MIPOL1: variants seen among roughly 807,000 people sequenced by gnomAD.
The protein encoded by MIPOL1 is mirror-image polydactyly gene 1 protein.
In MIPOL1, 57 loss-of-function variants were observed where a neutral mutation model predicts 60.9. The observed-to-expected ratio is 0.94, with a 90% CI of 0.76 to 1.17. The LOEUF (loss-of-function observed/expected upper bound fraction) is 1.17, where lower values mean the gene tolerates loss of function less well. Among genes scored for constraint, MIPOL1 ranks in the 50% most tolerant of loss-of-function variants. MIPOL1 has a pLI of 0.00. For missense variants in MIPOL1, 551 were observed against 511.6 expected, an observed-to-expected ratio of 1.08 and a Z score of -0.74; for synonymous variants, 179 against 168.8, an observed-to-expected ratio of 1.06 and a Z score of -0.47.
chr14:37,519,686 CA>C, intron 12 of MIPOL1, among the ~76,000 whole-genome samples: 1 of 152,016 alleles, frequency 6.6e-6, no homozygotes, highest in African/African-American at 2.4e-5. Context: ...AAGACTGTTA[CA>C]GGGGAACAAA....
intron 12 of MIPOL1, among the ~76,000 whole-genome samples, chr14:37,500,493 A>G (rs954936620): frequency 1.3e-5 from 2 of 152,144 alleles, no homozygotes; most frequent in African/African-American, 4.8e-5. Context: ...TTAGCTTTAC[A>G]ATAATCCTGC....
At chr14:37,396,578 T>G (rs2093376014) in intron 10 of MIPOL1, among the ~76,000 whole-genome samples, 1 of 152,220 alleles carries the variant, frequency 6.6e-6, no homozygotes, top group Non-Finnish European at 1.5e-5. Context: ...TTTCCAAACT[T>G]TTAGATTTCT....
chr14:37,287,159 G>C (rs1374966935), intron 7 of MIPOL1, among the ~76,000 whole-genome samples: 3 of 151,634 alleles, frequency 2.0e-5, no homozygotes, highest in Admixed American at 2.0e-4. Flanking sequence ...GACTTACACA[G>C]GTTGTCATAA....
Position 37,243,468 on chromosome 14 carries a change from T to G in MIPOL1, c.-198-3635T>G, listed in dbSNP as rs560249805. 3.3e-5 allele frequency among the ~76,000 whole-genome samples: 5 copies of G among 152,364 alleles called. No individual in the cohort carries two copies. The South Asian group carries it at 8.3e-4, about 25-fold the overall frequency. On this transcript the variant is annotated intron_variant, in intron 1 of 12. Transcript: ENST00000684589. ...TAGCGTGCTTTCCTTTTTATGAAAC[T>G]ATTTTAATGCAGAAATTATCAACAT...
At chr14:37,218,223 C>G (rs943016058) in intron 1 of MIPOL1, among the ~76,000 whole-genome samples, 1 of 152,124 alleles carries the variant, frequency 6.6e-6, no homozygotes, top group Middle Eastern at 3.4e-3. Flanking sequence ...CTCTGTTGCC[C>G]AGGCTGGAGT....
At chr14:37,360,260 G>C (rs2092147580) in intron 9 of MIPOL1, among the ~76,000 whole-genome samples, 1 of 152,134 alleles carries the variant, frequency 6.6e-6, no homozygotes, top group Non-Finnish European at 1.5e-5. Flanking sequence ...ATATTGATCA[G>C]GGATGTTGGT....
chr14:37,246,197 C>T (rs1000600871), intron 1 of MIPOL1, among the ~76,000 whole-genome samples: 3 of 152,044 alleles, frequency 2.0e-5, no homozygotes, highest in Admixed American at 1.3e-4. Flanking sequence ...AGCCAAGTTA[C>T]GCTTTGCCAT....
chr14:37,265,266 T>C (rs1476824832), intron 3 of MIPOL1: 1 of 152,212 alleles, frequency 6.6e-6, no homozygotes, highest in Non-Finnish European at 1.5e-5. Context: ...TGTGAAGTCT[T>C]CCTAGAGTCT....
chr14:37,333,180 G>A (rs1022389863), intron 9 of MIPOL1, among the ~76,000 whole-genome samples: 5 of 151,980 alleles, frequency 3.3e-5, no homozygotes, highest in Admixed American at 6.6e-5. Flanking sequence ...GTGTGTGTGT[G>A]TATAGTTTGA....
chr14:37,267,577 G>T (rs910312010), intron 4 of MIPOL1, among the ~76,000 whole-genome samples: 2 of 151,560 alleles, frequency 1.3e-5, no homozygotes, highest in Non-Finnish European at 2.9e-5. Context: ...TCTTTTTGGT[G>T]TTGGCTAATT....
At chr14:37,321,090 C>T (rs1041837949) in intron 9 of MIPOL1, among the ~76,000 whole-genome samples, 1 of 151,962 alleles carries the variant, frequency 6.6e-6, no homozygotes, top group Non-Finnish European at 1.5e-5. Context: ...CTTCATTCAG[C>T]TTGTTATTCT....
intron 11 of MIPOL1, among the ~76,000 whole-genome samples, chr14:37,494,817 T>C (rs1306111343): frequency 6.6e-6 from 1 of 152,182 alleles, no homozygotes; most frequent in African/African-American, 2.4e-5. Flanking sequence ...TAAGTGACAT[T>C]GTCTACTTCC....
intron 10 of MIPOL1, 89 bp from the exon 11 acceptor site, chr14:37,422,766 G>C (rs1426084223): frequency 2.6e-6 from 2 of 767,324 alleles, no homozygotes; most frequent in African/African-American, 3.7e-5. Flanking sequence ...TTAACTGTCA[G>C]TAATTTAAGA....
intron 11 of MIPOL1, among the ~76,000 whole-genome samples, chr14:37,437,241 T>C (rs2094176290): frequency 6.6e-6 from 1 of 152,140 alleles, no homozygotes; most frequent in East Asian, 1.9e-4. Context: ...CTGAACAATA[T>C]TCAGTTACTA....
intron 12 of MIPOL1, among the ~76,000 whole-genome samples, chr14:37,520,926 C>CT (rs11299536): frequency 0.011 from 540 of 47,736 alleles, 24 homozygotes; most frequent in African/African-American, 0.037. Flanking sequence ...TAACATTTTA[C>CT]TTTTTTTTTT....
At chr14:37,363,427 C>T (rs1950520) in intron 9 of MIPOL1, among the ~76,000 whole-genome samples, 33,238 of 152,086 alleles carry the variant, frequency 0.22, 4,108 homozygotes, top group South Asian at 0.36. Flanking sequence ...TGTTTGCCTG[C>T]GTATCACCAG....
At position 37,397,211 on chromosome 14, in the gene MIPOL1, C is replaced by T. The variant is rs549698352; in HGVS notation, c.937-25644C>T. ...TCCCCTTTTCCTATGGATGTGGCTT[C>T]CTGTGAGCCAAGCTGCAGTGATTGT... On this transcript the variant is annotated intron_variant, in intron 10 of 12. Coordinates refer to ENST00000684589, the MANE Select transcript of MIPOL1 (RefSeq NM_001388067.1). Among the ~76,000 whole-genome samples the T allele has an allele frequency of 1.7e-3, 255 of 152,230 alleles. 1 individual carries two copies. Among genetic ancestry groups the T allele is most frequent in the African/African-American group, 5.8e-3 (240 of 41,566 alleles).
chr14:37,298,658 A>C (rs1014588776), intron 7 of MIPOL1, among the ~76,000 whole-genome samples: 4 of 152,244 alleles, frequency 2.6e-5, no homozygotes, highest in African/African-American at 9.6e-5. Flanking sequence ...GACACTTCTC[A>C]AAAGAAGACA....
chr14:37,230,239 A>G (rs1384061380), intron 1 of MIPOL1, among the ~76,000 whole-genome samples: 1 of 152,222 alleles, frequency 6.6e-6, no homozygotes. Context: ...GTGAATTTTG[A>G]TAATCTTAAA....
Sources: gnomAD v4.1 joint callset for allele counts (sites outside exome capture counted in the v4.1 genomes callset) on GRCh38, gnomAD v4.1.1 for gene constraint, MANE v1.5 for transcripts, NCBI Gene and HGNC (gene_info 2026-07-23, HGNC 2026-07-21) for gene names.